The following KHDRBS2 variants were observed in gnomAD, a reference collection of about 807,000 sequenced individuals.
KHDRBS2 encodes the protein KH RNA binding domain containing, signal transduction associated 2.
KHDRBS2 carries 26 observed loss-of-function variants against 44.3 expected under a neutral mutation model. The ratio of observed to expected loss-of-function variants is 0.59; its 90% confidence interval spans 0.43 to 0.81. The LOEUF (loss-of-function observed/expected upper bound fraction) is 0.81, where lower values mean the gene tolerates loss of function less well. KHDRBS2 is among the 40% of genes least tolerant of loss of function. The probability of loss-of-function intolerance (pLI) is 0.00; values close to 1 mark genes in which losing one functional copy is unlikely to be tolerated. For missense variants in KHDRBS2, 476 were observed against 433.1 expected, an observed-to-expected ratio of 1.10 and a Z score of -0.88; for synonymous variants, 194 against 151.1, an observed-to-expected ratio of 1.28 and a Z score of -2.08.
chr6:61,954,884 GTATA>G (rs1296565520), intron 4 of KHDRBS2, among the ~76,000 whole-genome samples: 4 of 140,518 alleles, frequency 2.8e-5, no homozygotes, highest in African/African-American at 1.0e-4. Flanking sequence ...GTGTATATAT[GTATA>G]TATACACATA....
intron 2 of KHDRBS2, among the ~76,000 whole-genome samples, chr6:62,094,003 T>A (rs1328349256): frequency 6.6e-6 from 1 of 151,890 alleles, no homozygotes; most frequent in Non-Finnish European, 1.5e-5. Context: ...TGCAGATATC[T>A]TTTTGACATA....
chr6:61,754,271 G>A (rs1205436541), intron 6 of KHDRBS2, among the ~76,000 whole-genome samples: 1 of 152,090 alleles, frequency 6.6e-6, no homozygotes, highest in Non-Finnish European at 1.5e-5. Context: ...GGTCTAGTGA[G>A]GGACCACAAA....
At chr6:61,935,041 A>T (rs1810776794) in intron 4 of KHDRBS2, among the ~76,000 whole-genome samples, 1 of 152,320 alleles carries the variant, frequency 6.6e-6, no homozygotes, top group East Asian at 1.9e-4. Context: ...TTAGAGTTCT[A>T]GCAAGAAAGG....
chr6:61,974,690 T>C (rs1772143063), intron 4 of KHDRBS2, among the ~76,000 whole-genome samples: 1 of 152,028 alleles, frequency 6.6e-6, no homozygotes, highest in Non-Finnish European at 1.5e-5. Flanking sequence ...CCCAGCACTT[T>C]GGGAGGCTGA....
chr6:62,239,794 T>C (rs545182752), intron 1 of KHDRBS2, among the ~76,000 whole-genome samples: 1 of 151,998 alleles, frequency 6.6e-6, no homozygotes, highest in South Asian at 2.1e-4. Flanking sequence ...CAAGCAACTC[T>C]CTTGTCTCAG....
At chr6:61,706,519 G>A (rs1769588513) in intron 7 of KHDRBS2, among the ~76,000 whole-genome samples, 1 of 151,786 alleles carries the variant, frequency 6.6e-6, no homozygotes, top group East Asian at 2.0e-4. Context: ...ATGAGGCTTG[G>A]GTTTAAGGTA....
chr6:61,820,793 A>G (rs1428223366), intron 6 of KHDRBS2, among the ~76,000 whole-genome samples: 1 of 152,066 alleles, frequency 6.6e-6, no homozygotes, highest in Non-Finnish European at 1.5e-5. Context: ...TGTGGGACAC[A>G]TTTAGTCAAA....
At chr6:61,692,536 A>C (rs1310189392) in intron 8 of KHDRBS2, among the ~76,000 whole-genome samples, 1 of 152,088 alleles carries the variant, frequency 6.6e-6, no homozygotes, top group Admixed American at 6.6e-5. Context: ...AACCTAAAAT[A>C]ATACATTATT....
intron 6 of KHDRBS2, among the ~76,000 whole-genome samples, chr6:61,819,243 G>A (rs1171906495): frequency 6.6e-6 from 1 of 151,904 alleles, no homozygotes; most frequent in Non-Finnish European, 1.5e-5. Flanking sequence ...GAGGCCAAAT[G>A]AAGGGTTAAG....
chr6:62,151,534 A>C (rs544517359), intron 2 of KHDRBS2, among the ~76,000 whole-genome samples: 1 of 152,236 alleles, frequency 6.6e-6, no homozygotes, highest in African/African-American at 2.4e-5. Context: ...AAAGTTACCC[A>C]AAAAAACCCC....
chr6:61,950,243 AT>A (rs1237779100), intron 4 of KHDRBS2, among the ~76,000 whole-genome samples: 1 of 152,062 alleles, frequency 6.6e-6, no homozygotes, highest in Non-Finnish European at 1.5e-5. Context: ...CAAGACTTGA[AT>A]GGCTTGCTAT....
At chr6:61,552,709 G>A in the KHDRBS2 span, among the ~76,000 whole-genome samples, 3 of 152,020 alleles carry the variant, frequency 2.0e-5, no homozygotes, top group Non-Finnish European at 2.9e-5. Context: ...TAACATAAAG[G>A]GATGTTGAAT....
At chr6:62,088,043 C>T (rs1266478925) in intron 2 of KHDRBS2, among the ~76,000 whole-genome samples, 1 of 152,168 alleles carries the variant, frequency 6.6e-6, no homozygotes, top group Non-Finnish European at 1.5e-5. Context: ...TCAGCTCCAT[C>T]AGGTTATTTA....
intron 3 of KHDRBS2, among the ~76,000 whole-genome samples, chr6:61,983,917 T>G (rs1335372676): frequency 6.6e-6 from 1 of 152,228 alleles, no homozygotes; most frequent in Non-Finnish European, 1.5e-5. Context: ...CTTTGTAAAC[T>G]GGGTCCTACC....
intron 3 of KHDRBS2, among the ~76,000 whole-genome samples, chr6:62,035,314 A>G (rs374210196): frequency 1.3e-5 from 2 of 152,202 alleles, no homozygotes; most frequent in South Asian, 2.1e-4. Context: ...CAGCCACAAA[A>G]AAATGAATGA....
chr6:62,263,957 T>A (rs749610153), intron 1 of KHDRBS2, among the ~76,000 whole-genome samples: 2 of 151,730 alleles, frequency 1.3e-5, no homozygotes, highest in Admixed American at 1.3e-4. Flanking sequence ...TGTTATCAAA[T>A]AAAAGCTCTA....
intron 2 of KHDRBS2, among the ~76,000 whole-genome samples, chr6:62,082,339 G>GTGTGTA (rs3057680): frequency 2.6e-5 from 4 of 151,410 alleles, no homozygotes; most frequent in Non-Finnish European, 5.9e-5. Flanking sequence ...GTGTGTGTGT[G>GTGTGTA]AACAACCCAA....
At chr6:62,091,773 G>A (rs868571730) in intron 2 of KHDRBS2, among the ~76,000 whole-genome samples, 2 of 152,166 alleles carry the variant, frequency 1.3e-5, no homozygotes, top group South Asian at 4.1e-4. Context: ...TCTGCTCCAT[G>A]AGTCCTTGGA....
intron 4 of KHDRBS2, among the ~76,000 whole-genome samples, chr6:61,964,883 T>C (rs1037011676): frequency 3.3e-5 from 5 of 152,102 alleles, no homozygotes; most frequent in African/African-American, 9.7e-5. Flanking sequence ...AAAGATACTT[T>C]AGTCAAATAT....
Sources: allele counts gnomAD v4.1 joint callset (sites outside exome capture counted in the v4.1 genomes callset), GRCh38; gene constraint gnomAD v4.1.1; transcripts MANE v1.5; gene names NCBI Gene and HGNC (gene_info 2026-07-23, HGNC 2026-07-21).